SLC2A13: variants seen among roughly 807,000 people sequenced by gnomAD.
SLC2A13 encodes proton myo-inositol cotransporter.
A neutral mutation model predicts 64.4 loss-of-function variants in SLC2A13; 32 were observed. That is an observed-to-expected ratio of 0.50 (90% CI 0.37 to 0.67). The LOEUF is 0.67. Ranked by LOEUF, SLC2A13 falls within the 30% of genes least tolerant of loss-of-function variation. SLC2A13 has a pLI of 0.00. For missense variants in SLC2A13, 743 were observed against 829.2 expected (o/e 0.90, Z 1.28); for synonymous variants, 338 against 327.1 (o/e 1.03, Z -0.36).
chr12:39,978,096 A>C (rs1946797318), intron 3 of SLC2A13, among the ~76,000 whole-genome samples: 2 of 152,234 alleles, frequency 1.3e-5, no homozygotes, highest in Admixed American at 1.3e-4. Flanking sequence ...GATAGAAGTA[A>C]GCCTTCAATA....
chr12:39,881,781 G>A (rs1434990893), intron 4 of SLC2A13, among the ~76,000 whole-genome samples: 7 of 152,094 alleles, frequency 4.6e-5, no homozygotes, highest in Non-Finnish European at 1.0e-4. Context: ...ATGAAAAGAG[G>A]GGCAAGAAAT....
At chr12:39,963,155 C>T (rs922110135) in intron 3 of SLC2A13, among the ~76,000 whole-genome samples, 188 of 152,006 alleles carry the variant, frequency 1.2e-3, no homozygotes, top group Non-Finnish European at 2.0e-3. Context: ...GGCATGGTGG[C>T]GGGCGCCTGT....
At chr12:39,986,807 T>C (rs545319428) in intron 3 of SLC2A13, among the ~76,000 whole-genome samples, 52 of 152,238 alleles carry the variant, frequency 3.4e-4, no homozygotes, top group African/African-American at 1.2e-3. Context: ...TCTATGGTGC[T>C]TGCCAACAGT....
At chr12:39,957,159 A>G (rs946365595) in intron 3 of SLC2A13, among the ~76,000 whole-genome samples, 2 of 152,186 alleles carry the variant, frequency 1.3e-5, no homozygotes, top group African/African-American at 4.8e-5. Context: ...TATCATCATC[A>G]GAGTCCTGTG....
intron 5 of SLC2A13, among the ~76,000 whole-genome samples, chr12:39,867,275 C>A (rs1943934439): frequency 6.6e-6 from 1 of 152,118 alleles, no homozygotes; most frequent in Non-Finnish European, 1.5e-5. Context: ...AGATGAGTCT[C>A]TTCTTTCATA....
chr12:39,864,987 T>A, intron 5 of SLC2A13, 105 bp from the exon 6 acceptor site: 1 of 1,068,302 alleles, frequency 9.4e-7, no homozygotes, highest in Non-Finnish European at 1.3e-6. Context: ...AAACAAAAAC[T>A]CCTGAAAAAA....
At chr12:39,865,421 C>A (rs1195970726) in intron 5 of SLC2A13, among the ~76,000 whole-genome samples, 1 of 152,138 alleles carries the variant, frequency 6.6e-6, no homozygotes, top group Non-Finnish European at 1.5e-5. Context: ...TTTTTGAAGA[C>A]TTTAAAGTAC....
Position 40,105,962 on chromosome 12 carries a change from A to C in SLC2A13, c.-154T>G. ...GGCTGCCACGGCAGCAGCCGCCGCCACGGCCGCTCCGGGGAGAAAGTTGCT... is the reference window on the plus strand; with the variant it reads ...GGCTGCCACGGCAGCAGCCGCCGCCCCGGCCGCTCCGGGGAGAAAGTTGCT... On this transcript the variant is annotated 5_prime_UTR_variant, in exon 1 of 10. Transcript: ENST00000280871. This position sits in a 1 kb window ranked among gnomAD's most constrained non-coding sequence, Gnocchi z 4.2. The C allele has an allele frequency of 1.1e-6, 1 of 939,732 alleles. No individual in the cohort carries two copies. The highest frequency in any genetic ancestry group is 1.4e-6 in the Non-Finnish European group (1 of 707,426). The allele number at this position is 939,732 out of a possible 1,614,324, so 58.2% of individuals were successfully genotyped here.
intron 3 of SLC2A13, among the ~76,000 whole-genome samples, chr12:40,009,924 C>G (rs1437237380): frequency 2.0e-5 from 3 of 152,138 alleles, no homozygotes; most frequent in African/African-American, 7.2e-5. Context: ...CTTTTGTTTC[C>G]TTATACATTA....
rs185343160 is a variant in SLC2A13 at position 39,858,441 on chromosome 12, T to C, written c.1319+6321A>G. Among the ~76,000 whole-genome samples, 108 of 152,154 alleles carry C rather than the reference T, an allele frequency of 7.1e-4. 1 individual carries two copies. The highest frequency in any genetic ancestry group is 2.6e-3 in the African/African-American group (106 of 41,506). On this transcript the variant is annotated intron_variant, in intron 6 of 9. Coordinates refer to ENST00000280871, the MANE Select transcript of SLC2A13 (RefSeq NM_052885.4). Reference sequence around the variant, plus strand: ...TGAAACAGATTCATTTTATAGGAAATTAGTAAGAAAAAAAAATGTTTAACA... The same window carrying C: ...TGAAACAGATTCATTTTATAGGAAACTAGTAAGAAAAAAAAATGTTTAACA...
intron 6 of SLC2A13, 34 bp from the exon 7 acceptor site, chr12:39,830,262 A>C (rs1334073617): frequency 6.2e-7 from 1 of 1,603,162 alleles, no homozygotes; most frequent in African/African-American, 1.3e-5. Context: ...TCATGTTGGC[A>C]GAGACAACTG....
chr12:39,781,378 C>T (rs1293153662), intron 7 of SLC2A13, among the ~76,000 whole-genome samples: 1 of 48,544 alleles, frequency 2.1e-5, no homozygotes, highest in East Asian at 7.1e-4. Flanking sequence ...GGGAGCCCCG[C>T]ACAGTCTGGC....
intron 3 of SLC2A13, among the ~76,000 whole-genome samples, chr12:40,016,200 A>C (rs182857551): frequency 1.1e-3 from 164 of 150,102 alleles, no homozygotes; most frequent in African/African-American, 2.2e-3. Context: ...CCACCCCCCC[A>C]AAAAAAAACT....
At chr12:39,961,776 C>T (rs1294834922) in intron 3 of SLC2A13, among the ~76,000 whole-genome samples, 2 of 151,404 alleles carry the variant, frequency 1.3e-5, no homozygotes, top group Non-Finnish European at 2.9e-5. Context: ...GCTGTGATTA[C>T]AGGTGTGAGC....
At chr12:39,812,561 C>T (rs1942208367) in intron 7 of SLC2A13, among the ~76,000 whole-genome samples, 1 of 151,778 alleles carries the variant, frequency 6.6e-6, no homozygotes, top group Non-Finnish European at 1.5e-5. Flanking sequence ...CAACCTCCGC[C>T]TCTGAGATTC....
chr12:40,097,401 C>T (rs1389187330), intron 1 of SLC2A13, among the ~76,000 whole-genome samples: 2 of 151,916 alleles, frequency 1.3e-5, no homozygotes, highest in South Asian at 2.1e-4. Context: ...AAAAACTGTA[C>T]ATCAAAAGAC....
At chr12:40,058,082 T>TAGATAGATAGAC (rs1555158651) in intron 1 of SLC2A13, among the ~76,000 whole-genome samples, 11 of 151,192 alleles carry the variant, frequency 7.3e-5, no homozygotes, top group African/African-American at 2.4e-4. Context: ...GATAGATAGA[T>TAGATAGATAGAC]AGATAGATTG....
chr12:39,890,214 A>G (rs949334835), intron 4 of SLC2A13, among the ~76,000 whole-genome samples: 1 of 152,222 alleles, frequency 6.6e-6, no homozygotes, highest in African/African-American at 2.4e-5. Flanking sequence ...TTACAGAGAA[A>G]ACCTGGCCAT....
At position 39,756,354 on chromosome 12, in the gene SLC2A13, T is replaced by C. The variant is rs900117211; in HGVS notation, c.*3672A>G. ...AGGTCTTAATTTGGTAATTAAAAAC[T>C]TGTCACAACAAGTGAATAAAAGTCA... On this transcript the variant is annotated 3_prime_UTR_variant, in exon 10 of 10. Coordinates refer to ENST00000280871, the MANE Select transcript of SLC2A13 (RefSeq NM_052885.4). The C allele has an allele frequency of 2.6e-5, 4 of 151,918 alleles. No individual in the cohort carries two copies. The highest frequency in any genetic ancestry group is 4.8e-5 in the African/African-American group (2 of 41,396). The allele number at this position is 151,918 out of a possible 1,614,324, so 9.4% of individuals were successfully genotyped here.
Sources: allele counts gnomAD v4.1 joint callset (sites outside exome capture counted in the v4.1 genomes callset), GRCh38; gene constraint gnomAD v4.1.1; non-coding constraint Gnocchi (gnomAD v3.1); transcripts MANE v1.5; gene names NCBI Gene and HGNC (gene_info 2026-07-23, HGNC 2026-07-21).